Variants in ROBO2 observed in about 807,000 individuals in gnomAD.
The protein encoded by ROBO2 is roundabout homolog 2.
In ROBO2, 53 loss-of-function variants were observed where a neutral mutation model predicts 160.8. That is an observed-to-expected ratio of 0.33 (90% CI 0.26 to 0.41). The LOEUF (loss-of-function observed/expected upper bound fraction) is 0.41, where lower values mean the gene tolerates loss of function less well. Ranked by LOEUF, ROBO2 falls within the 10% of genes least tolerant of loss-of-function variation. ROBO2 has a pLI of 1.00. For missense variants in ROBO2, 1,577 were observed against 1,722.4 expected, an observed-to-expected ratio of 0.92 and a Z score of 1.49; for synonymous variants, 664 against 611.7, an observed-to-expected ratio of 1.09 and a Z score of -1.26.
chr3:77,193,169 G>A (rs1031933285), intron 2 of ROBO2, among the ~76,000 whole-genome samples: 3 of 151,804 alleles, frequency 2.0e-5, no homozygotes, highest in African/African-American at 7.2e-5. Flanking sequence ...TTGGCTGCAG[G>A]GAAGAAACCA....
At chr3:76,427,656 A>G (rs2076273914) in intron 2 of ROBO2, among the ~76,000 whole-genome samples, 1 of 152,310 alleles carries the variant, frequency 6.6e-6, no homozygotes, top group African/African-American at 2.4e-5. Flanking sequence ...CACACAACTG[A>G]TAGTTATTAT....
At chr3:76,162,330 G>A (rs944716142) in intron 2 of ROBO2, among the ~76,000 whole-genome samples, 8 of 152,066 alleles carry the variant, frequency 5.3e-5, no homozygotes, top group African/African-American at 1.7e-4. Flanking sequence ...ATTTTTAGGA[G>A]ACAGGGTCTT....
chr3:76,620,426 A>G (rs990878298), intron 2 of ROBO2, among the ~76,000 whole-genome samples: 2 of 152,184 alleles, frequency 1.3e-5, no homozygotes, highest in East Asian at 1.9e-4. Context: ...GGAGCAAAAA[A>G]AATGGTATGT....
chr3:75,969,500 C>T (rs1176372857), intron 2 of ROBO2, among the ~76,000 whole-genome samples: 1 of 151,538 alleles, frequency 6.6e-6, no homozygotes, highest in Non-Finnish European at 1.5e-5. Context: ...TACCGTTTCC[C>T]AAAATGGCTG....
chr3:76,138,561 C>T (rs1265964703), intron 2 of ROBO2, among the ~76,000 whole-genome samples: 4 of 151,996 alleles, frequency 2.6e-5, no homozygotes, highest in Non-Finnish European at 5.9e-5. Context: ...GACCTAAGCA[C>T]CTCTTTTAAA....
At chr3:77,278,116 C>T (rs1017769631) in intron 2 of ROBO2, among the ~76,000 whole-genome samples, 1 of 152,118 alleles carries the variant, frequency 6.6e-6, no homozygotes, top group Admixed American at 6.5e-5. Context: ...AGCTAGCCCC[C>T]TCCTCTCTAA....
At chr3:76,784,099 T>C (rs1339527071) in intron 2 of ROBO2, among the ~76,000 whole-genome samples, 19 of 151,174 alleles carry the variant, frequency 1.3e-4, no homozygotes, top group Non-Finnish European at 2.7e-4. Context: ...AGGAAATTCA[T>C]AGATCTCCAT....
At chr3:76,915,516 C>T (rs1271368545) in intron 2 of ROBO2, among the ~76,000 whole-genome samples, 1 of 151,338 alleles carries the variant, frequency 6.6e-6, no homozygotes, top group Non-Finnish European at 1.5e-5. Flanking sequence ...TAAAAATTAG[C>T]TGGGTGTGCT....
chr3:77,236,662 C>T (rs781168288), intron 2 of ROBO2, among the ~76,000 whole-genome samples: 3 of 152,066 alleles, frequency 2.0e-5, no homozygotes, highest in African/African-American at 4.8e-5. Flanking sequence ...AGAATAATTC[C>T]ACTGTCCTAA....
chr3:76,273,092 TACACACACATATAC>T lies in ROBO2; in HGVS notation c.109+335504_109+335517del, dbSNP rs1274257757. ...ATATATAAATATAATATATATAAAA[TACACACACATATAC>T]ACACACACATATAAATATATATATA... On this transcript the variant is annotated intron_variant, in intron 2 of 26. Coordinates refer to the ROBO2 transcript ENST00000487694. Among the ~76,000 whole-genome samples, 115 of 80,366 alleles carry T rather than the reference TACACACACATATAC, an allele frequency of 1.4e-3. 3 individuals are homozygous for T. The highest frequency in any genetic ancestry group is 4.9e-3 in the African/African-American group (111 of 22,574). 52.7% of individuals were successfully genotyped at this position (80,366 alleles called of 152,430 possible).
chr3:76,043,092 C>T lies in ROBO2; in HGVS notation c.109+105490C>T, dbSNP rs138851651. Among the ~76,000 whole-genome samples, 103 of 152,058 alleles carry T rather than the reference C, an allele frequency of 6.8e-4. 3 individuals carry two copies. The highest frequency in any genetic ancestry group is 1.6e-3 in the African/African-American group (67 of 41,356). Reference sequence around the variant, plus strand: ...GGAGGGAATATCCAAATATCTTCAACGGGGTTCTTGGACTTCTAATAAACA... The same window carrying T: ...GGAGGGAATATCCAAATATCTTCAATGGGGTTCTTGGACTTCTAATAAACA... On this transcript the variant is annotated intron_variant, in intron 2 of 26. Coordinates refer to the ROBO2 transcript ENST00000487694.
chr3:76,606,601 T>C (rs768362463), intron 2 of ROBO2, among the ~76,000 whole-genome samples: 1 of 152,164 alleles, frequency 6.6e-6, no homozygotes, highest in African/African-American at 2.4e-5. Flanking sequence ...GGGAAAGCAA[T>C]AGTGGTTCCT....
intron 2 of ROBO2, among the ~76,000 whole-genome samples, chr3:77,104,100 T>C (rs1191762958): frequency 1.3e-5 from 2 of 152,142 alleles, no homozygotes; most frequent in Non-Finnish European, 2.9e-5. Context: ...ATTTAATATA[T>C]ACAAGCAATG....
At chr3:77,641,241 C>CAATTATTAGCAATTCATAA (rs2095346541) in intron 24 of ROBO2, among the ~76,000 whole-genome samples, 1 of 152,166 alleles carries the variant, frequency 6.6e-6, no homozygotes, top group African/African-American at 2.4e-5. Context: ...ACCCTGTTCC[C>CAATTATTAGCAATTCATAA]TTCAGTTATT....
At chr3:76,626,933 G>C (rs1255015347) in intron 2 of ROBO2, among the ~76,000 whole-genome samples, 1 of 151,962 alleles carries the variant, frequency 6.6e-6, no homozygotes, top group African/African-American at 2.4e-5. Context: ...CTTGTGGTCC[G>C]CCCGCCTCGG....
rs1553656032 is a variant in ROBO2 at position 76,141,060 on chromosome 3, C to CATACATATATATATATAT, written c.109+203461_109+203462insCATATATATATATATATA. 3.1e-3 allele frequency among the ~76,000 whole-genome samples: 166 copies of CATACATATATATATATAT among 53,584 alleles called. 8 individuals carry two copies. The East Asian group carries it at 0.08, about 26-fold the overall frequency. 35.2% of individuals were successfully genotyped at this position (53,584 alleles called of 152,430 possible). A position where few individuals can be genotyped will look rare whatever the true frequency, so the allele number is the denominator to read the frequency against. The stretch of plus-strand genomic sequence containing the variant: ...ACACACACAGATGTCTTTTTACATA[C>CATACATATATATATATAT]ATATATATATATATATAAAATATAT... On this transcript the variant is annotated intron_variant, in intron 2 of 26. Coordinates refer to the ROBO2 transcript ENST00000487694.
At chr3:76,878,670 A>G (rs1292220027) in intron 2 of ROBO2, among the ~76,000 whole-genome samples, 1 of 152,170 alleles carries the variant, frequency 6.6e-6, no homozygotes, top group African/African-American at 2.4e-5. Flanking sequence ...TTCAATAGGG[A>G]GAACATAGTT....
intron 2 of ROBO2, among the ~76,000 whole-genome samples, chr3:75,998,880 C>G (rs946258663): frequency 6.6e-6 from 1 of 152,218 alleles, no homozygotes; most frequent in Non-Finnish European, 1.5e-5. Flanking sequence ...AAATATTTTG[C>G]ATGACTTCTT....
chr3:76,641,786 T>C lies in ROBO2; in HGVS notation c.110-456228T>C, dbSNP rs372159760. Among the ~76,000 whole-genome samples the C allele has an allele frequency of 8.4e-4, 128 of 152,296 alleles. No individual in the cohort carries two copies. The Middle Eastern group carries it at 0.014, about 16-fold the overall frequency. ...ACAGAGTCCTCTCTATCACCTAGGC[T>C]GAGTTCAGTGGCGTGATTATAGCTC... On this transcript the variant is annotated intron_variant, in intron 2 of 26. Coordinates refer to the ROBO2 transcript ENST00000487694.
Sources: gnomAD v4.1 joint callset for allele counts (sites outside exome capture counted in the v4.1 genomes callset) on GRCh38, gnomAD v4.1.1 for gene constraint, MANE v1.5 for transcripts, NCBI Gene and HGNC (gene_info 2026-07-23, HGNC 2026-07-21) for gene names.